PLOD1: variants seen among roughly 807,000 people sequenced by gnomAD.
The protein encoded by PLOD1 is lysine hydroxylase.
A neutral mutation model predicts 94.7 loss-of-function variants in PLOD1; 70 were observed. The observed-to-expected ratio is 0.74, with a 90% CI of 0.61 to 0.90. The LOEUF (loss-of-function observed/expected upper bound fraction) is 0.90. Ranked by LOEUF, PLOD1 falls within the 40% of genes least tolerant of loss-of-function variation. The pLI, the probability that PLOD1 is intolerant of heterozygous loss-of-function variation, is 0.00. For synonymous variants in PLOD1, 417 were observed against 400.2 expected, an observed-to-expected ratio of 1.04 and a Z score of -0.50; for missense variants, 905 against 972.7, an observed-to-expected ratio of 0.93 and a Z score of 0.93.
Position 11,972,729 on chromosome 1 carries a change from G to T in PLOD1, c.1903-143G>T, listed in dbSNP as rs190500830. ...CTGTGCCAGGTAGTTGCAGGCACTC[G>T]AGCATAGAGCCCCATGTAGACCTGG... On this transcript the variant is annotated intron_variant, in intron 17 of 18. Coordinates refer to ENST00000196061, the MANE Select transcript of PLOD1 (RefSeq NM_000302.4). The surrounding 1 kb of genome is among the most constrained non-coding windows in gnomAD (Gnocchi z 4.6). 1.2e-6 allele frequency: 1 copy of T among 815,902 alleles called. No individual in the cohort carries two copies. The highest frequency in any genetic ancestry group is 2.1e-6 in the Non-Finnish European group (1 of 474,360). 50.5% of individuals were successfully genotyped at this position (815,902 alleles called of 1,614,324 possible).
At chr1:11,946,691 T>G (rs1645656871) in intron 1 of PLOD1, among the ~76,000 whole-genome samples, 1 of 152,164 alleles carries the variant, frequency 6.6e-6, no homozygotes, top group African/African-American at 2.4e-5. Context: ...AGCCAGAAAC[T>G]CAGTCCTATA....
Position 11,966,422 on chromosome 1 carries a change from T to C in PLOD1, c.1650+106T>C, listed in dbSNP as rs1257727247. The stretch of plus-strand genomic sequence containing the variant: ...GGAGTGGGGGACAGCAGGATGGGAG[T>C]TGGGGGTGGAGGGATGGGAGTTGGG... On this transcript the variant is annotated intron_variant, in intron 15 of 18. Transcript: ENST00000196061. The C allele has an allele frequency of 1.1e-5, 6 of 539,048 alleles. No homozygotes were observed. In the African/African-American group the frequency reaches 1.1e-4, roughly 10 times the overall value. 33.4% of individuals were successfully genotyped at this position (539,048 alleles called of 1,614,324 possible).
At chr1:11,965,692 C>A (rs1645812366) in intron 14 of PLOD1, 99 bp downstream of exon 14, 1 of 744,730 alleles carries the variant, frequency 1.3e-6, no homozygotes, top group Admixed American at 2.0e-5. Context: ...CAGCCAGGAC[C>A]CCTGTAGGCC....
intron 13 of PLOD1, 90 bp downstream of exon 13, chr1:11,964,875 T>C: frequency 7.2e-7 from 1 of 1,384,570 alleles, no homozygotes; most frequent in African/African-American, 1.4e-5. Context: ...GTGGGCCGCC[T>C]TGTCACCGTA....
At chr1:11,941,777 C>T (rs948409959) in intron 1 of PLOD1, among the ~76,000 whole-genome samples, 2 of 152,072 alleles carry the variant, frequency 1.3e-5, no homozygotes, top group Non-Finnish European at 2.9e-5. Flanking sequence ...AGCCACCGCG[C>T]CCGGACTAGT....
chr1:11,952,035 G>T (rs1336245878), intron 4 of PLOD1, among the ~76,000 whole-genome samples: 1 of 152,236 alleles, frequency 6.6e-6, no homozygotes, highest in Admixed American at 6.5e-5. Context: ...TCTGCCATCT[G>T]CCCTCAACAG....
At chr1:11,944,280 A>G (rs1645634113) in intron 1 of PLOD1, among the ~76,000 whole-genome samples, 1 of 152,010 alleles carries the variant, frequency 6.6e-6, no homozygotes, top group South Asian at 2.1e-4. Context: ...CGATGAAGGT[A>G]AGCCATTATT....
chr1:11,958,463 G>T lies in PLOD1; in HGVS notation c.844-53G>T. On this transcript the variant is annotated intron_variant, in intron 8 of 18. Coordinates refer to ENST00000196061, the MANE Select transcript of PLOD1 (RefSeq NM_000302.4). The surrounding 1 kb of genome is among the most constrained non-coding windows in gnomAD (Gnocchi z 4.3). ...CCTTGGGCCACCCTGGGGTGGAGTG[G>T]CAGTGCTGTGACTGGACACTGCTGG... 1.9e-6 allele frequency: 3 copies of T among 1,604,848 alleles called. No homozygotes were observed. Among genetic ancestry groups the T allele is most frequent in the Non-Finnish European group, 2.6e-6 (3 of 1,175,548 alleles).
Position 11,950,308 on chromosome 1 carries a change from CCCCTGCTCACCCTTG to C in PLOD1, c.303-40_303-26del, listed in dbSNP as rs746778001. 26 of 1,588,132 alleles carry C rather than the reference CCCCTGCTCACCCTTG, an allele frequency of 1.6e-5. No homozygotes were observed. The South Asian group carries it at 2.8e-4, about 17-fold the overall frequency. On this transcript the variant is annotated intron_variant, in intron 3 of 18. Coordinates refer to ENST00000196061, the MANE Select transcript of PLOD1 (RefSeq NM_000302.4). Reference sequence around the variant, plus strand: ...CCCTCCTGTCTGTGCCCTCACTGGGCCCCTGCTCACCCTTGCCCTGCTCCGTCTTCTCGCTGCTCT... The same window carrying C: ...CCCTCCTGTCTGTGCCCTCACTGGGCCCCTGCTCCGTCTTCTCGCTGCTCT...
chr1:11,961,460 G>A (rs1645777486), intron 10 of PLOD1, among the ~76,000 whole-genome samples: 1 of 152,184 alleles, frequency 6.6e-6, no homozygotes, highest in African/African-American at 2.4e-5. Flanking sequence ...ATCAAAGGTT[G>A]GCAAACTTCC....
chr1:11,968,190 G>A (rs1234393917), intron 16 of PLOD1, among the ~76,000 whole-genome samples: 1 of 152,096 alleles, frequency 6.6e-6, no homozygotes, highest in Non-Finnish European at 1.5e-5. Flanking sequence ...CTGGCCTCAG[G>A]TAAGCTACCC....
chr1:11,941,555 A>G (rs1645615602), intron 1 of PLOD1, among the ~76,000 whole-genome samples: 1 of 152,030 alleles, frequency 6.6e-6, no homozygotes, highest in African/African-American at 2.4e-5. Flanking sequence ...ATCTGGGCTC[A>G]TTGCAACCTC....
chr1:11,948,687 G>A (rs974743373), intron 2 of PLOD1, among the ~76,000 whole-genome samples: 79 of 151,734 alleles, frequency 5.2e-4, no homozygotes, highest in Non-Finnish European at 9.3e-4. Context: ...CCGAGGTGGC[G>A]TCACTGCACT....
intron 16 of PLOD1, among the ~76,000 whole-genome samples, chr1:11,969,137 AC>A (rs1482694405): frequency 6.8e-6 from 1 of 146,446 alleles, no homozygotes; most frequent in Non-Finnish European, 1.5e-5. Flanking sequence ...ACAGGTACCC[AC>A]CACTACGCCT....
intron 5 of PLOD1, among the ~76,000 whole-genome samples, chr1:11,954,066 A>G (rs1228810122): frequency 6.6e-6 from 1 of 150,912 alleles, no homozygotes; most frequent in Non-Finnish European, 1.5e-5. Flanking sequence ...AAGTTTTGCT[A>G]TGTTGCCCAA....
chr1:11,954,344 G>A (rs1199576161), intron 5 of PLOD1: 1 of 321,368 alleles, frequency 3.1e-6, no homozygotes, highest in South Asian at 2.5e-5. Flanking sequence ...AAATTAGCTG[G>A]GTATGGTGGC....
At chr1:11,956,736 C>T (rs1281542327) in intron 6 of PLOD1, among the ~76,000 whole-genome samples, 181 bp from the exon 7 acceptor site, 3 of 152,184 alleles carry the variant, frequency 2.0e-5, no homozygotes, top group Non-Finnish European at 4.4e-5. Flanking sequence ...TCCTCCCCCT[C>T]ACCCCATGAA....
In PLOD1 at chr1:11,941,467, G is replaced by GATTATTATTATT. The variant is rs145464263; in HGVS notation, c.77-6493_77-6482dup. ...CTGCCTTAGTCTCCTAAGTAGCTGG[G>GATTATTATTATT]ATTATTATTATTATTATTATTATTA... On this transcript the variant is annotated intron_variant, in intron 1 of 18. Transcript: ENST00000196061. 4.9e-5 allele frequency among the ~76,000 whole-genome samples: 7 copies of GATTATTATTATT among 141,828 alleles called. No homozygotes were observed. The East Asian group carries it at 1.2e-3, about 24-fold the overall frequency. The allele number at this position is 141,828 out of a possible 152,430, so 93.0% of individuals were successfully genotyped here.
intron 9 of PLOD1, among the ~76,000 whole-genome samples, chr1:11,959,086 T>G (rs1401757369): frequency 6.6e-6 from 1 of 151,914 alleles, no homozygotes; most frequent in African/African-American, 2.4e-5. Context: ...ATGCCTGTAA[T>G]CCCAGCTACT....
Sources: gnomAD v4.1 joint callset for allele counts (sites outside exome capture counted in the v4.1 genomes callset) on GRCh38, gnomAD v4.1.1 for gene constraint, Gnocchi (gnomAD v3.1) non-coding constraint, MANE v1.5 for transcripts, NCBI Gene and HGNC (gene_info 2026-07-23, HGNC 2026-07-21) for gene names.